The following ITGB2 variants were observed in gnomAD, a reference collection of about 807,000 sequenced individuals.
ITGB2 encodes integrin subunit beta 2.
In ITGB2, 56 loss-of-function variants were observed where a neutral mutation model predicts 86.8. That is an observed-to-expected ratio of 0.65 (90% CI 0.52 to 0.81). ITGB2 has a LOEUF of 0.81. Ranked by LOEUF, ITGB2 falls within the 30% of genes least tolerant of loss-of-function variation. The pLI is 0.00. For synonymous variants in ITGB2, 457 were observed against 450.4 expected (o/e 1.01, Z -0.19); for missense variants, 948 against 1,061.2 (o/e 0.89, Z 1.48).
intron 2 of ITGB2, 114 bp from the exon 3 acceptor site, chr21:44,910,486 A>G (rs529338130): frequency 3.0e-5 from 47 of 1,571,570 alleles, no homozygotes; most frequent in Non-Finnish European, 4.1e-5. Flanking sequence ...GGCAGCCTCC[A>G]GGAGGAGACC....
intron 1 of ITGB2, among the ~76,000 whole-genome samples, chr21:44,925,931 C>G (rs2084367670): frequency 6.6e-6 from 1 of 152,008 alleles, no homozygotes; most frequent in African/African-American, 2.4e-5. Context: ...ACAACAACAA[C>G]AAAAATAAAT....
chr21:44,907,999 G>A (rs1412115913), intron 3 of ITGB2: 1 of 713,256 alleles, frequency 1.4e-6, no homozygotes, highest in African/African-American at 1.8e-5. Context: ...TCACTGAAAG[G>A]TGTTTATTTC....
intron 1 of ITGB2, among the ~76,000 whole-genome samples, chr21:44,913,223 C>T (rs567518417): frequency 1.3e-5 from 2 of 152,124 alleles, no homozygotes; most frequent in South Asian, 4.2e-4. Flanking sequence ...CTGGCAGCCC[C>T]AGCCAGGCTG....
chr21:44,900,656 C>T (rs911935778), intron 6 of ITGB2, among the ~76,000 whole-genome samples, 181 bp from the exon 7 acceptor site: 4 of 150,900 alleles, frequency 2.7e-5, no homozygotes, highest in Non-Finnish European at 5.9e-5. Context: ...GAGGAGACAA[C>T]GGCCCTCAAA....
chr21:44,921,739 G>T (rs1482438652), upstream of ITGB2, among the ~76,000 whole-genome samples: 1 of 151,704 alleles, frequency 6.6e-6, no homozygotes, highest in Non-Finnish European at 1.5e-5. Flanking sequence ...AGTTTTTTTT[G>T]AGACAGAGTT....
At chr21:44,916,869 A>G (rs2084219549) in intron 1 of ITGB2, among the ~76,000 whole-genome samples, 2 of 150,710 alleles carry the variant, frequency 1.3e-5, no homozygotes, top group African/African-American at 5.0e-5. Flanking sequence ...ACTGTCTCAA[A>G]AGAAAAAAAA....
rs754762370 is a variant in ITGB2, at chr21:44,893,503, G to C, written c.1125C>G (p.Pro375=). The part of the protein sequence containing the change: ...SRVFLDHNAL[P]DTLKVTYDSF... ...AGTCGTAGGTGACTTTCAGGGTGTC[G>C]GGGAGGGCGTTGTGATCCAGGAAGA... The change falls in exon 10 of 16, where the codon CCC becomes CCG. Residue 375 remains proline (P), a synonymous_variant. Coordinates refer to ENST00000652462, the MANE Select transcript of ITGB2 (RefSeq NM_000211.5). The C allele has an allele frequency of 1.4e-5, 22 of 1,614,070 alleles. No individual in the cohort carries two copies. The highest frequency in any genetic ancestry group is 1.8e-5 in the Non-Finnish European group (21 of 1,179,950).
chr21:44,897,298 C>G (rs1313230021), intron 8 of ITGB2, among the ~76,000 whole-genome samples: 2 of 152,252 alleles, frequency 1.3e-5, no homozygotes, highest in African/African-American at 4.8e-5. Flanking sequence ...AGCGGCCCTC[C>G]CGGGCACTTT....
chr21:44,895,880 AAAT>A (rs1251080027), intron 8 of ITGB2, among the ~76,000 whole-genome samples: 2 of 83,664 alleles, frequency 2.4e-5, no homozygotes, highest in African/African-American at 9.3e-5. Flanking sequence ...TGAAATAAAA[AAAT>A]AAATAAAATA....
rs111780009 is a variant in ITGB2, at chr21:44,901,484, G to A, written c.741+8C>T. 141 of 1,613,614 alleles carry A rather than the reference G, an allele frequency of 8.7e-5. 2 individuals are homozygous for A. The highest frequency in any genetic ancestry group is 7.8e-4 in the South Asian group (71 of 91,030). On this transcript the variant is annotated splice_region_variant and intron_variant, in intron 6 of 15. Coordinates refer to ENST00000652462, the MANE Select transcript of ITGB2 (RefSeq NM_000211.5). ...ACGTGGGGACCCAAGCAGGGGCAGC[G>A]GCCTCACCGGGCAGGCGGCGACCTG...
At chr21:44,922,727 A>T (rs962869728), upstream of ITGB2, among the ~76,000 whole-genome samples, 1 of 152,042 alleles carries the variant, frequency 6.6e-6, no homozygotes, top group African/African-American at 2.4e-5. Flanking sequence ...CAAACAAGAA[A>T]GGTAAATAAA....
chr21:44,888,684 C>T lies in ITGB2; in HGVS notation c.2080+9G>A, dbSNP rs201448757. 77 of 1,605,876 alleles carry T rather than the reference C, an allele frequency of 4.8e-5. No individual in the cohort carries two copies. Among genetic ancestry groups the T allele is most frequent in the South Asian group, 1.2e-4 (11 of 91,082 alleles). On this transcript the variant is annotated intron_variant, in intron 14 of 15. Coordinates refer to ENST00000652462, the MANE Select transcript of ITGB2 (RefSeq NM_000211.5). The stretch of plus-strand genomic sequence containing the variant: ...GGAGCCGGTCCCCGCTGCACCCCAG[C>T]GGCCTCACCTCGGCTCTCATCCACA...
chr21:44,910,243 C>T (rs2084109208), intron 3 of ITGB2, 41 bp downstream of exon 3: 2 of 1,605,438 alleles, frequency 1.2e-6, no homozygotes, highest in South Asian at 1.1e-5. Context: ...GGCCCTCACC[C>T]AGGAGCTGGG....
chr21:44,889,083 C>A (rs34957139), intron 13 of ITGB2, 188 bp from the exon 14 acceptor site: 2 of 699,200 alleles, frequency 2.9e-6, no homozygotes, highest in African/African-American at 3.5e-5. Context: ...CCAGGGCCCG[C>A]GGCAGGTGCG....
chr21:44,893,316 G>GC, intron 10 of ITGB2, 88 bp downstream of exon 10: 1 of 1,532,588 alleles, frequency 6.5e-7, no homozygotes, highest in Non-Finnish European at 9.0e-7. Context: ...GGACCCCTCA[G>GC]TGTGCTGGGA....
chr21:44,891,521 G>A (rs114167959), intron 11 of ITGB2, among the ~76,000 whole-genome samples: 3,934 of 152,296 alleles, frequency 0.026, 177 homozygotes, highest in African/African-American at 0.09. Flanking sequence ...CTGGTGAGGG[G>A]GTCCTCCTGC....
At chr21:44,888,194 C>T (rs748079416) in intron 14 of ITGB2, among the ~76,000 whole-genome samples, 16 of 152,140 alleles carry the variant, frequency 1.1e-4, no homozygotes, top group African/African-American at 2.9e-4. Flanking sequence ...GGACTGGTTC[C>T]GACTGGACTG....
At chr21:44,912,608 AC>A (rs1483741343) in intron 1 of ITGB2, among the ~76,000 whole-genome samples, 1 of 152,076 alleles carries the variant, frequency 6.6e-6, no homozygotes, top group Non-Finnish European at 1.5e-5. Context: ...CATTGGGCCC[AC>A]CCTGTGTCTG....
intron 9 of ITGB2, chr21:44,894,281 C>T (rs2083831579): frequency 6.1e-6 from 1 of 162,728 alleles, no homozygotes; most frequent in South Asian, 1.6e-4. Flanking sequence ...GTCGGAGGCG[C>T]TAACGTGCTG....
Sources: gnomAD v4.1 joint callset for allele counts (sites outside exome capture counted in the v4.1 genomes callset) on GRCh38, gnomAD v4.1.1 for gene constraint, MANE v1.5 for transcripts, NCBI Gene and HGNC (gene_info 2026-07-23, HGNC 2026-07-21) for gene names.